RSBN1L: variants seen among roughly 807,000 people sequenced by gnomAD.
RSBN1L encodes the protein round spermatid basic protein 1 like.
RSBN1L carries 30 observed loss-of-function variants against 67.7 expected under a neutral mutation model. That is an observed-to-expected ratio of 0.44 (90% CI 0.33 to 0.60). The LOEUF is 0.60. RSBN1L is among the 20% of genes least tolerant of loss of function. The pLI, the probability that RSBN1L is intolerant of heterozygous loss-of-function variation, is 0.02. For missense variants in RSBN1L, 992 were observed against 1,031.7 expected (o/e 0.96, Z 0.53); for synonymous variants, 433 against 387.0 (o/e 1.12, Z -1.39).
intron 6 of RSBN1L, among the ~76,000 whole-genome samples, chr7:77,776,861 A>T (rs983864573): frequency 4.0e-5 from 6 of 151,876 alleles, no homozygotes; most frequent in African/African-American, 1.5e-4. Context: ...ATCCAGTGAC[A>T]ATCTCTGTCT....
chr7:77,730,965 T>C (rs944199337), intron 1 of RSBN1L, among the ~76,000 whole-genome samples: 2 of 152,184 alleles, frequency 1.3e-5, no homozygotes, highest in African/African-American at 4.8e-5. Flanking sequence ...CCTTCCAGAG[T>C]GGCTGTACCA....
chr7:77,763,149 C>CTTT lies in RSBN1L; in HGVS notation c.1345-2328_1345-2326dup, dbSNP rs11440608. ...TGAGGTGGAAATATATATAATTTGA[C>CTTT]TTTTTTTTTTTTTTTTTTTTGGTCT... On this transcript the variant is annotated intron_variant, in intron 3 of 7. Transcript: ENST00000334955. 4.8e-4 allele frequency among the ~76,000 whole-genome samples: 61 copies of CTTT among 126,942 alleles called. 1 individual carries two copies. Among genetic ancestry groups the CTTT allele is most frequent in the East Asian group, 1.6e-3 (7 of 4,288 alleles). The allele number at this position is 126,942 out of a possible 152,430, so 83.3% of individuals were successfully genotyped here.
Position 77,769,898 on chromosome 7 carries a change from A to G in RSBN1L, c.1625+1095A>G, listed in dbSNP as rs368090824. ...GAGCTGCTGTAATTTTGTGAAAGTA[A>G]TCTGGCAGTAGATCATAAAATTTAA... On this transcript the variant is annotated intron_variant, in intron 5 of 7. Transcript: ENST00000334955. Among the ~76,000 whole-genome samples, 23 of 152,334 alleles carry G rather than the reference A, an allele frequency of 1.5e-4. No individual in the cohort carries two copies. In the South Asian group the frequency reaches 1.7e-3, roughly 11 times the overall value.
chr7:77,745,636 T>C (rs1791472524), intron 2 of RSBN1L, among the ~76,000 whole-genome samples: 1 of 152,174 alleles, frequency 6.6e-6, no homozygotes, highest in African/African-American at 2.4e-5. Flanking sequence ...TCCCCAACCT[T>C]ATTGGTACCA....
At chr7:77,766,492 C>A (rs996059550) in intron 4 of RSBN1L, among the ~76,000 whole-genome samples, 34 of 152,044 alleles carry the variant, frequency 2.2e-4, no homozygotes, top group Admixed American at 2.0e-3. Flanking sequence ...CCACCACAGG[C>A]CCCTTTAAAT....
Position 77,782,556 on chromosome 7 carries a change from T to G in RSBN1L, c.*3388T>G, listed in dbSNP as rs774614535. The G allele has an allele frequency of 6.6e-6, 1 of 152,238 alleles. No homozygotes were observed. Among genetic ancestry groups the G allele is most frequent in the Non-Finnish European group, 1.5e-5 (1 of 68,034 alleles). The allele number at this position is 152,238 out of a possible 1,614,324, so 9.4% of individuals were successfully genotyped here. A position where few individuals can be genotyped will look rare whatever the true frequency, so the allele number is the denominator to read the frequency against. ...GAAGCCATATTCATTATCTTCCTTG[T>G]CACCAAGGCTGTTGACCTTAAATAA... On this transcript the variant is annotated 3_prime_UTR_variant, in exon 8 of 8. Coordinates refer to ENST00000334955, the MANE Select transcript of RSBN1L (RefSeq NM_198467.3).
intron 6 of RSBN1L, among the ~76,000 whole-genome samples, chr7:77,777,341 C>A (rs1040774962): frequency 1.3e-5 from 2 of 151,614 alleles, no homozygotes; most frequent in Admixed American, 1.3e-4. Flanking sequence ...GCTGTACATT[C>A]CTTTTCATAG....
intron 1 of RSBN1L, among the ~76,000 whole-genome samples, chr7:77,728,751 A>G (rs1161444866): frequency 6.6e-6 from 1 of 152,184 alleles, no homozygotes; most frequent in Non-Finnish European, 1.5e-5. Flanking sequence ...ACTTTTTCTA[A>G]TGTAAAACTT....
At chr7:77,767,906 A>G (rs1433969772) in intron 4 of RSBN1L, among the ~76,000 whole-genome samples, 2 of 132,020 alleles carry the variant, frequency 1.5e-5, no homozygotes, top group East Asian at 4.6e-4. Flanking sequence ...GCTGGAGTGC[A>G]GTGGCGTGAT....
chr7:77,732,098 A>G (rs999355410), intron 1 of RSBN1L, among the ~76,000 whole-genome samples: 4 of 152,188 alleles, frequency 2.6e-5, no homozygotes, highest in South Asian at 2.1e-4. Flanking sequence ...TTATGGTGTT[A>G]GAATTCTTAC....
chr7:77,772,926 T>G (rs547662197), intron 5 of RSBN1L, among the ~76,000 whole-genome samples: 2 of 152,330 alleles, frequency 1.3e-5, no homozygotes, highest in Admixed American at 1.3e-4. Flanking sequence ...GTAATTTAAT[T>G]TTTTATCCAT....
Position 77,696,627 on chromosome 7 carries a change from C to T in RSBN1L, c.158C>T (p.Pro53Leu), listed in dbSNP as rs371241527. 3 of 1,613,878 alleles carry T rather than the reference C, an allele frequency of 1.9e-6. No individual in the cohort carries two copies. The highest frequency in any genetic ancestry group is 2.7e-5 in the African/African-American group (2 of 74,924). Reference protein sequence around the residue: ...KKVRTEEKKAPRRVNGEGGSG... With the variant: ...KKVRTEEKKALRRVNGEGGSG... ...GTCCGGACTGAGGAGAAGAAGGCAC[C>T]GCGGAGAGTGAACGGAGAAGGGGGC... The change falls in exon 1 of 8, where the codon CCG (proline) becomes CTG (leucine). Residue 53 changes from proline to leucine, a missense_variant. Coordinates refer to ENST00000334955, the MANE Select transcript of RSBN1L (RefSeq NM_198467.3).
rs1416169588 is a variant in RSBN1L, at chr7:77,696,628, G to C, written c.159G>C (p.Pro53=). The C allele has an allele frequency of 6.2e-7, 1 of 1,613,896 alleles. No homozygotes were observed. Among genetic ancestry groups the C allele is most frequent in the Non-Finnish European group, 8.5e-7 (1 of 1,179,958 alleles). Residue 53 remains proline (P), a synonymous_variant, in exon 1 of 8, where the codon CCG becomes CCC. Transcript: ENST00000334955. ...KKVRTEEKKA[P]RRVNGEGGSG... ...TCCGGACTGAGGAGAAGAAGGCACC[G>C]CGGAGAGTGAACGGAGAAGGGGGCA...
intron 3 of RSBN1L, among the ~76,000 whole-genome samples, chr7:77,758,501 TAAC>T (rs756586189): frequency 6.6e-6 from 1 of 152,206 alleles, no homozygotes; most frequent in East Asian, 1.9e-4. Context: ...ACAATCCAGT[TAAC>T]AACACTCTTT....
chr7:77,779,850 T>TA lies in RSBN1L; in HGVS notation c.*683dup, dbSNP rs1791975697. 1 of 151,076 alleles carries TA rather than the reference T, an allele frequency of 6.6e-6. No individual in the cohort carries two copies. Among genetic ancestry groups the TA allele is most frequent in the Admixed American group, 6.6e-5 (1 of 15,140 alleles). 9.4% of individuals were successfully genotyped at this position (151,076 alleles called of 1,614,324 possible). On this transcript the variant is annotated 3_prime_UTR_variant, in exon 8 of 8. Transcript: ENST00000334955. Reference sequence around the variant, plus strand: ...TTTTTTCTTTTTTTCTTTTTTTTGATACGGAGTTTCATTCTGTCACCAGGC... The same window carrying TA: ...TTTTTTCTTTTTTTCTTTTTTTTGATAACGGAGTTTCATTCTGTCACCAGGC...
chr7:77,750,085 T>C (rs1212718498), intron 3 of RSBN1L, 21 bp downstream of exon 3: 2 of 1,409,814 alleles, frequency 1.4e-6, no homozygotes, highest in Admixed American at 2.6e-5. Flanking sequence ...TTTAGTTTTA[T>C]AAAATAACTT....
chr7:77,717,770 C>G (rs1791066958), intron 1 of RSBN1L, among the ~76,000 whole-genome samples: 1 of 152,164 alleles, frequency 6.6e-6, no homozygotes, highest in South Asian at 2.1e-4. Flanking sequence ...GTAATCTGAG[C>G]ACTTTGGGAG....
At position 77,739,137 on chromosome 7, in the gene RSBN1L, G is replaced by A. The variant is rs1791374858; in HGVS notation, c.703+2611G>A. On this transcript the variant is annotated intron_variant, in intron 2 of 7. Transcript: ENST00000334955. ...GTATGTGGGGCCATTTCCCAAGTGA[G>A]CCTGTGGTGGTGGTAGGGAAAGGCA... is the stretch of plus-strand genomic sequence containing the variant. 1.3e-5 allele frequency among the ~76,000 whole-genome samples: 2 copies of A among 152,160 alleles called. 1 individual carries two copies. Among genetic ancestry groups the A allele is most frequent in the South Asian group, 4.1e-4 (2 of 4,836 alleles).
At chr7:77,768,575 T>C in intron 4 of RSBN1L, 86 bp from the exon 5 acceptor site, 2 of 1,150,674 alleles carry the variant, frequency 1.7e-6, no homozygotes, top group South Asian at 2.8e-5. Flanking sequence ...GAAAGTGTGT[T>C]TGTCAGGGGA....
Sources: allele counts gnomAD v4.1 joint callset (sites outside exome capture counted in the v4.1 genomes callset), GRCh38; gene constraint gnomAD v4.1.1; transcripts MANE v1.5; gene names NCBI Gene and HGNC (gene_info 2026-07-23, HGNC 2026-07-21).